AP3B1: variants seen among roughly 807,000 people sequenced by gnomAD.
The protein encoded by AP3B1 is adaptor related protein complex 3 subunit beta 1.
Under a neutral mutation model 132.5 loss-of-function variants are expected in AP3B1, and 61 were observed. The ratio of observed to expected loss-of-function variants is 0.46; its 90% confidence interval spans 0.37 to 0.57. The LOEUF (loss-of-function observed/expected upper bound fraction) is 0.57, where lower values mean the gene tolerates loss of function less well. AP3B1 is among the 20% of genes least tolerant of loss of function. The pLI is 0.00. For missense variants in AP3B1, 1,120 were observed against 1,289.4 expected (o/e 0.87, Z 2.01); for synonymous variants, 388 against 438.3 (o/e 0.89, Z 1.43).
chr5:78,154,592 CTT>C (rs1255664867), intron 14 of AP3B1, among the ~76,000 whole-genome samples: 1 of 152,050 alleles, frequency 6.6e-6, no homozygotes. Context: ...TAGATTTGCC[CTT>C]TTGAGACTAT....
In AP3B1 at chr5:78,141,217, T is replaced by C. The variant is rs772520218; in HGVS notation, c.1576A>G (p.Thr526Ala). Reference sequence around the variant, plus strand: ...AGTTTTACCAGATCATCTTCACTAGTGAAGCTTTTAGCCATCTTCCTCAAA... The same window carrying C: ...AGTTTTACCAGATCATCTTCACTAGCGAAGCTTTTAGCCATCTTCCTCAAA... ...DVLRKMAKSFTSEDDLVKLQI... is the reference protein window; with the variant it reads ...DVLRKMAKSFASEDDLVKLQI... Residue 526 changes from threonine (T) to alanine (A), a missense_variant, in exon 15 of 27, where the codon ACT becomes GCT. Around this residue, in one of 3 missense-constraint regions of AP3B1, gnomAD observed 906 missense variants for 997.1 expected, o/e 0.91. Coordinates refer to ENST00000255194, the MANE Select transcript of AP3B1 (RefSeq NM_003664.5). 3 of 1,613,906 alleles carry C rather than the reference T, an allele frequency of 1.9e-6. No homozygotes were observed. The highest frequency in any genetic ancestry group is 1.7e-6 in the Non-Finnish European group (2 of 1,179,814).
Position 78,120,350 on chromosome 5 carries a change from T to C in AP3B1, c.1969-4116A>G, listed in dbSNP as rs879302266. 2.1e-3 allele frequency among the ~76,000 whole-genome samples: 325 copies of C among 152,162 alleles called. 1 individual carries two copies. Among genetic ancestry groups the C allele is most frequent in the Non-Finnish European group, 3.3e-3 (225 of 67,940 alleles). The stretch of plus-strand genomic sequence containing the variant: ...CAAATTCACACATAACAATATTAAC[T>C]TTAAATGTAAATGGGCTAAATGCTC... On this transcript the variant is annotated intron_variant, in intron 17 of 26. Transcript: ENST00000255194.
At chr5:78,070,465 A>T (rs1313723752) in intron 22 of AP3B1, among the ~76,000 whole-genome samples, 1 of 152,060 alleles carries the variant, frequency 6.6e-6, no homozygotes, top group African/African-American at 2.4e-5. Context: ...CCCTAGAAGA[A>T]AATCTAGGCA....
At chr5:78,283,727 T>G (rs1358524131) in intron 1 of AP3B1, among the ~76,000 whole-genome samples, 26 of 152,274 alleles carry the variant, frequency 1.7e-4, no homozygotes, top group Middle Eastern at 3.4e-3. Flanking sequence ...CCCTCCTCAC[T>G]CCAAACTTAC....
intron 15 of AP3B1, 31 bp from the exon 16 acceptor site, chr5:78,129,338 TAC>T (rs1238965797): frequency 1.3e-6 from 2 of 1,506,358 alleles, no homozygotes; most frequent in Admixed American, 1.7e-5. Context: ...AAGATGAGAA[TAC>T]AGTTATTTAT....
At chr5:78,122,202 T>G (rs1238790069) in intron 17 of AP3B1, among the ~76,000 whole-genome samples, 2 of 152,154 alleles carry the variant, frequency 1.3e-5, no homozygotes, top group Non-Finnish European at 2.9e-5. Flanking sequence ...TATCTCAAAA[T>G]AATAAGAGCT....
chr5:78,292,418 C>CA (rs376589236), intron 1 of AP3B1, among the ~76,000 whole-genome samples: 5 of 152,108 alleles, frequency 3.3e-5, no homozygotes, highest in African/African-American at 1.2e-4. Flanking sequence ...GAGTTGTATG[C>CA]ACTCACTAAT....
intron 7 of AP3B1, 145 bp from the exon 8 acceptor site, chr5:78,181,807 C>A: frequency 1.5e-6 from 1 of 668,378 alleles, no homozygotes; most frequent in Non-Finnish European, 2.5e-6. Context: ...AAATATTACA[C>A]AACCTATATC....
chr5:78,007,668 C>T (rs1022809412), intron 26 of AP3B1, among the ~76,000 whole-genome samples: 67 of 152,122 alleles, frequency 4.4e-4, no homozygotes, highest in African/African-American at 1.5e-3. Context: ...TGATTTGGAG[C>T]GCTATCTGCC....
chr5:78,268,382 A>C (rs1180618782), intron 1 of AP3B1, among the ~76,000 whole-genome samples: 1 of 152,198 alleles, frequency 6.6e-6, no homozygotes. Flanking sequence ...AACCTTAAAA[A>C]AATCTTACTG....
chr5:78,186,269 T>C (rs554508171), intron 7 of AP3B1, among the ~76,000 whole-genome samples: 16 of 152,118 alleles, frequency 1.1e-4, no homozygotes, highest in Non-Finnish European at 2.2e-4. Flanking sequence ...AAAGTACACT[T>C]CAGAGCAAAG....
At chr5:78,243,417 T>C (rs1273240778) in intron 2 of AP3B1, among the ~76,000 whole-genome samples, 1 of 152,116 alleles carries the variant, frequency 6.6e-6, no homozygotes, top group East Asian at 1.9e-4. Flanking sequence ...AACACCACAA[T>C]CAAATTCACT....
intron 24 of AP3B1, 108 bp downstream of exon 24, chr5:78,034,253 G>C (rs1747701792): frequency 1.2e-6 from 1 of 838,166 alleles, no homozygotes. Flanking sequence ...AAACATATTT[G>C]TTTAAATGTT....
chr5:78,053,447 C>G (rs961002233), intron 22 of AP3B1, among the ~76,000 whole-genome samples: 1 of 151,886 alleles, frequency 6.6e-6, no homozygotes, highest in Non-Finnish European at 1.5e-5. Context: ...TTTGGGAGAC[C>G]GAGGCCGGTG....
chr5:78,206,954 T>C (rs1745529885), intron 7 of AP3B1, among the ~76,000 whole-genome samples: 1 of 152,086 alleles, frequency 6.6e-6, no homozygotes. Flanking sequence ...AAATCCTGTG[T>C]TTATAAAAAA....
intron 20 of AP3B1, among the ~76,000 whole-genome samples, chr5:78,107,483 G>A (rs1751385674): frequency 6.6e-6 from 1 of 152,018 alleles, no homozygotes; most frequent in Non-Finnish European, 1.5e-5. Context: ...TGCCACAGTT[G>A]GCAGAAAAGG....
intron 1 of AP3B1, among the ~76,000 whole-genome samples, chr5:78,277,728 T>C (rs1748843545): frequency 6.6e-6 from 1 of 152,098 alleles, no homozygotes; most frequent in African/African-American, 2.4e-5. Flanking sequence ...CAATAAACAT[T>C]AGTTGAAAAA....
At position 78,110,193 on chromosome 5, in the gene AP3B1, G is replaced by A. The variant is rs755115729; in HGVS notation, c.2397+14C>T. On this transcript the variant is annotated intron_variant, in intron 20 of 26. Transcript: ENST00000255194. ...ATATTTACCTTCAATTACAACAAAT[G>A]TATAATCTCTTACCTTAGTGACTCT... The A allele has an allele frequency of 2.1e-5, 33 of 1,594,848 alleles. No individual in the cohort carries two copies. Among genetic ancestry groups the A allele is most frequent in the Non-Finnish European group, 2.7e-5 (31 of 1,168,048 alleles).
chr5:78,141,416 A>G, intron 14 of AP3B1, 97 bp from the exon 15 acceptor site: 1 of 908,260 alleles, frequency 1.1e-6, no homozygotes, highest in Non-Finnish European at 1.7e-6. Flanking sequence ...TTTTACAGCT[A>G]TTAATTAATT....
Sources: allele counts gnomAD v4.1 joint callset (sites outside exome capture counted in the v4.1 genomes callset), GRCh38; gene constraint gnomAD v4.1.1; regional missense constraint gnomAD v4.1.1; transcripts MANE v1.5; gene names NCBI Gene and HGNC (gene_info 2026-07-23, HGNC 2026-07-21).